The following R3HDM1 variants were observed in gnomAD, a reference collection of about 807,000 sequenced individuals.
The protein encoded by R3HDM1 is R3H domain-containing protein 1.
R3HDM1 carries 46 observed loss-of-function variants against 141.1 expected under a neutral mutation model. That is an observed-to-expected ratio of 0.33 (90% CI 0.26 to 0.42). The LOEUF is 0.42. R3HDM1 is among the 10% of genes least tolerant of loss of function. The pLI, the probability that R3HDM1 is intolerant of heterozygous loss-of-function variation, is 1.00. For missense variants in R3HDM1, 1,184 were observed against 1,368.3 expected, an observed-to-expected ratio of 0.87 and a Z score of 2.12; for synonymous variants, 435 against 472.9, an observed-to-expected ratio of 0.92 and a Z score of 1.04.
chr2:135,699,045 A>AGATAGATAGATTGATAGATT (rs202144929), intron 21 of R3HDM1, among the ~76,000 whole-genome samples: 17 of 129,890 alleles, frequency 1.3e-4, no homozygotes, highest in South Asian at 2.6e-4. Flanking sequence ...ATAGATAGAT[A>AGATAGATAGATTGATAGATT]AGATAGATAA....
At chr2:135,583,939 TA>T in intron 1 of R3HDM1, 1 of 985,460 alleles carries the variant, frequency 1.0e-6, no homozygotes, top group Non-Finnish European at 1.2e-6. Flanking sequence ...TTAAACCCTG[TA>T]GAGTCAATAT....
intron 1 of R3HDM1, among the ~76,000 whole-genome samples, chr2:135,545,739 G>A (rs558511609): frequency 5.8e-4 from 88 of 152,302 alleles, no homozygotes; most frequent in Admixed American, 1.2e-3. Context: ...CATCCCAAAT[G>A]TAGTGGATTT....
At chr2:135,583,031 C>G (rs539833986) in intron 1 of R3HDM1, among the ~76,000 whole-genome samples, 84 of 152,298 alleles carry the variant, frequency 5.5e-4, no homozygotes, top group Middle Eastern at 3.4e-3. Context: ...CTTTCTCTCT[C>G]TGTGTGTGTC....
intron 1 of R3HDM1, among the ~76,000 whole-genome samples, chr2:135,567,903 CTTTTTTTT>C (rs562748072): frequency 1.4e-5 from 1 of 73,820 alleles, no homozygotes; most frequent in Non-Finnish European, 2.6e-5. Flanking sequence ...CCACACCTGG[CTTTTTTTT>C]TTTTTTTTTT....
chr2:135,723,106 AATTTT>A (rs2105473807), intron 26 of R3HDM1, among the ~76,000 whole-genome samples: 1 of 152,024 alleles, frequency 6.6e-6, no homozygotes, highest in Non-Finnish European at 1.5e-5. Context: ...TCAGTAGCTT[AATTTT>A]ATTTTTTTTA....
chr2:135,670,138 CAAAAA>C (rs869047478), intron 19 of R3HDM1: 16 of 97,576 alleles, frequency 1.6e-4, no homozygotes, highest in South Asian at 3.2e-4. Context: ...GACTCAGTCT[CAAAAA>C]AAAAAAAAAA....
chr2:135,643,887 C>T (rs1298635537), intron 15 of R3HDM1, among the ~76,000 whole-genome samples: 1 of 152,204 alleles, frequency 6.6e-6, no homozygotes, highest in Non-Finnish European at 1.5e-5. Flanking sequence ...CACACGTTCT[C>T]ACTTGTAAGT....
intron 1 of R3HDM1, among the ~76,000 whole-genome samples, chr2:135,541,397 A>G (rs149998088): frequency 0.01 from 1,544 of 151,928 alleles, 25 homozygotes; most frequent in African/African-American, 0.035. Context: ...TTTAGTAGAG[A>G]CGAGGTTTCA....
chr2:135,565,173 C>T (rs988532615), intron 1 of R3HDM1, among the ~76,000 whole-genome samples: 1 of 151,898 alleles, frequency 6.6e-6, no homozygotes, highest in Non-Finnish European at 1.5e-5. Flanking sequence ...CTTCCTGGAT[C>T]AAAGATATAT....
intron 1 of R3HDM1, among the ~76,000 whole-genome samples, chr2:135,542,539 T>C (rs1485473374): frequency 1.3e-5 from 2 of 152,226 alleles, no homozygotes; most frequent in African/African-American, 4.8e-5. Flanking sequence ...AAGAATCTGT[T>C]ATCTGTATTT....
intron 20 of R3HDM1, among the ~76,000 whole-genome samples, chr2:135,679,665 C>T (rs2069883196): frequency 6.6e-6 from 1 of 152,230 alleles, no homozygotes; most frequent in African/African-American, 2.4e-5. Flanking sequence ...GCCTACAGTA[C>T]ATACATTTAC....
At chr2:135,628,423 G>A (rs2062273084) in intron 7 of R3HDM1, among the ~76,000 whole-genome samples, 5 of 152,128 alleles carry the variant, frequency 3.3e-5, no homozygotes. Context: ...TAAGGGGAGA[G>A]AAAGCCTAAA....
intron 5 of R3HDM1, chr2:135,620,681 CTG>C (rs1360090540): frequency 1.1e-6 from 1 of 946,280 alleles, no homozygotes; most frequent in African/African-American, 1.8e-5. Context: ...TTTAGTAAAA[CTG>C]GTGTAGAATT....
intron 24 of R3HDM1, among the ~76,000 whole-genome samples, chr2:135,717,102 T>C (rs534408782): frequency 9.2e-5 from 14 of 152,328 alleles, no homozygotes; most frequent in African/African-American, 2.9e-4. Context: ...TCAGTCATTA[T>C]AGAAATGAAT....
chr2:135,718,376 C>T (rs1450652148), intron 24 of R3HDM1, among the ~76,000 whole-genome samples: 3 of 152,150 alleles, frequency 2.0e-5, no homozygotes, highest in African/African-American at 7.2e-5. Flanking sequence ...AACTTACACA[C>T]ACACATATGC....
Position 135,613,337 on chromosome 2 carries a change from G to A in R3HDM1, c.172-2815G>A, listed in dbSNP as rs115012030. Among the ~76,000 whole-genome samples, 344 of 152,140 alleles carry A rather than the reference G, an allele frequency of 2.3e-3. 1 individual carries two copies. Among genetic ancestry groups the A allele is most frequent in the African/African-American group, 7.7e-3 (318 of 41,496 alleles). On this transcript the variant is annotated intron_variant, in intron 3 of 26. Coordinates refer to ENST00000683871, the MANE Select transcript of R3HDM1 (RefSeq NM_001378107.1). ...GGCTGCTCATAGTCCTCCTTACATG[G>A]CCCCTCTATCTTCAAAGCCATCAAC...
rs1278222188 is a variant in R3HDM1 at position 135,705,477 on chromosome 2, C to A, written c.2460-3956C>A. On this transcript the variant is annotated intron_variant, in intron 21 of 26. Coordinates refer to ENST00000683871, the MANE Select transcript of R3HDM1 (RefSeq NM_001378107.1). Reference sequence around the variant, plus strand: ...CTAGTGAATATATCTTAATATCAAGCATTGATATTGCTTGATATTAAGCAG... The same window carrying A: ...CTAGTGAATATATCTTAATATCAAGAATTGATATTGCTTGATATTAAGCAG... Among the ~76,000 whole-genome samples, 2 of 151,992 alleles carry A rather than the reference C, an allele frequency of 1.3e-5. 1 individual carries two copies. Among genetic ancestry groups the A allele is most frequent in the African/African-American group, 4.8e-5 (2 of 41,346 alleles).
chr2:135,551,214 G>A (rs1699784100), intron 1 of R3HDM1, among the ~76,000 whole-genome samples: 1 of 152,226 alleles, frequency 6.6e-6, no homozygotes, highest in African/African-American at 2.4e-5. Context: ...CAGTAGGTTA[G>A]TAGGAGATGC....
At chr2:135,661,537 A>C (rs935615045) in intron 19 of R3HDM1, 144 bp downstream of exon 19, 2 of 1,066,290 alleles carry the variant, frequency 1.9e-6, no homozygotes, top group Non-Finnish European at 2.7e-6. Flanking sequence ...CAATGAGATT[A>C]AAAGAGTGAG....
Sources: allele counts gnomAD v4.1 joint callset (sites outside exome capture counted in the v4.1 genomes callset), GRCh38; gene constraint gnomAD v4.1.1; transcripts MANE v1.5; gene names NCBI Gene and HGNC (gene_info 2026-07-23, HGNC 2026-07-21).